The following RERE variants were observed in gnomAD, a reference collection of about 807,000 sequenced individuals.
The protein encoded by RERE is arginine-glutamic acid dipeptide repeats protein.
Under a neutral mutation model 146.1 loss-of-function variants are expected in RERE, and 40 were observed. That is an observed-to-expected ratio of 0.27 (90% CI 0.21 to 0.36). The LOEUF (loss-of-function observed/expected upper bound fraction) is 0.36, where lower values mean the gene tolerates loss of function less well. RERE is among the 10% of genes least tolerant of loss of function. The pLI is 1.00. For synonymous variants in RERE, 1,003 were observed against 866.0 expected, an observed-to-expected ratio of 1.16 and a Z score of -2.78; for missense variants, 1,933 against 2,138.7, an observed-to-expected ratio of 0.90 and a Z score of 1.90.
chr1:8,359,299 C>T (rs1411525617), intron 19 of RERE, among the ~76,000 whole-genome samples: 1 of 152,194 alleles, frequency 6.6e-6, no homozygotes. Context: ...CCTTTCCTCC[C>T]CGCGACAGCA....
intron 4 of RERE, among the ~76,000 whole-genome samples, chr1:8,603,604 G>A (rs975447164): frequency 6.6e-6 from 1 of 152,118 alleles, no homozygotes; most frequent in African/African-American, 2.4e-5. Flanking sequence ...AGCTGCATTA[G>A]GGATATAAGC....
chr1:8,529,287 C>CTTTTTTT (rs34547801), intron 7 of RERE, among the ~76,000 whole-genome samples: 9,883 of 101,208 alleles, frequency 0.098, 650 homozygotes, highest in Non-Finnish European at 0.12. Flanking sequence ...GTTCTCCCTT[C>CTTTTTTT]TTTTTTTTTT....
intron 4 of RERE, among the ~76,000 whole-genome samples, chr1:8,606,758 G>A (rs1159733055): frequency 6.6e-6 from 1 of 152,090 alleles, no homozygotes; most frequent in East Asian, 1.9e-4. Context: ...GCTATTTACA[G>A]GCTGAAAATC....
chr1:8,525,866 A>T (rs767753464), intron 7 of RERE: 171 of 1,475,864 alleles, frequency 1.2e-4, no homozygotes, highest in Non-Finnish European at 1.5e-4. Context: ...CTACACTAAC[A>T]ACTCAAAATG....
At chr1:8,703,680 A>AT (rs1553137138) in intron 1 of RERE, among the ~76,000 whole-genome samples, 1 of 152,192 alleles carries the variant, frequency 6.6e-6, no homozygotes, top group Non-Finnish European at 1.5e-5. Context: ...TGCAAGCAAG[A>AT]TATTAAAGAG....
chr1:8,411,046 T>A (rs1259312959), intron 12 of RERE, among the ~76,000 whole-genome samples: 1 of 152,170 alleles, frequency 6.6e-6, no homozygotes, highest in East Asian at 1.9e-4. Context: ...ACATGCCTGG[T>A]AAGGTATGTA....
At chr1:8,777,796 A>G (rs2124556367) in intron 1 of RERE, among the ~76,000 whole-genome samples, 1 of 151,910 alleles carries the variant, frequency 6.6e-6, no homozygotes, top group East Asian at 1.9e-4. Context: ...CGGCCTCCCA[A>G]AGTGCTGGGA....
chr1:8,357,392 C>T (rs1026424927), intron 20 of RERE, among the ~76,000 whole-genome samples: 3 of 152,292 alleles, frequency 2.0e-5, no homozygotes, highest in South Asian at 4.1e-4. Flanking sequence ...GCAGGGGAGG[C>T]GCCTGGTGCC....
intron 11 of RERE, among the ~76,000 whole-genome samples, chr1:8,455,846 G>A (rs1570268712): frequency 6.6e-6 from 1 of 152,148 alleles, no homozygotes; most frequent in Non-Finnish European, 1.5e-5. Context: ...GGTGCAGCAG[G>A]GCCTGCAAAA....
At chr1:8,757,512 C>T (rs1205763244) in intron 1 of RERE, among the ~76,000 whole-genome samples, 2 of 152,144 alleles carry the variant, frequency 1.3e-5, no homozygotes, top group Non-Finnish European at 2.9e-5. Flanking sequence ...ATAAACTTAT[C>T]AGAGGAACAA....
At chr1:8,620,753 G>A (rs562325106) in intron 3 of RERE, among the ~76,000 whole-genome samples, 18 of 151,664 alleles carry the variant, frequency 1.2e-4, no homozygotes, top group African/African-American at 3.6e-4. Context: ...TTCTAAGTAC[G>A]TGCTGTCCCT....
At position 8,770,526 on chromosome 1, in the gene RERE, C is replaced by T. The variant is rs796492892; in HGVS notation, c.-145+46634G>A. Among the ~76,000 whole-genome samples the T allele has an allele frequency of 5.9e-5, 9 of 152,282 alleles. 1 individual carries two copies. The highest frequency in any genetic ancestry group is 1.9e-4 in the African/African-American group (8 of 41,556). The stretch of plus-strand genomic sequence containing the variant: ...CCTCAGTCTACTTATAGCCCTACTA[C>T]GTACTAGCTCTGTCCTCAGTTTCCT... On this transcript the variant is annotated intron_variant, in intron 1 of 22. Transcript: ENST00000400908.
intron 7 of RERE, among the ~76,000 whole-genome samples, chr1:8,513,515 C>A (rs981212615): frequency 6.6e-6 from 1 of 152,108 alleles, no homozygotes; most frequent in Non-Finnish European, 1.5e-5. Flanking sequence ...ACACCAAAAA[C>A]TCAACAAGTT....
At chr1:8,750,635 C>T (rs905503024) in intron 1 of RERE, 9 of 954,556 alleles carry the variant, frequency 9.4e-6, no homozygotes, top group East Asian at 2.4e-5. Context: ...AACTGAAATT[C>T]GAATGGCAAG....
chr1:8,554,065 T>C (rs138989378), intron 6 of RERE, among the ~76,000 whole-genome samples: 11 of 152,140 alleles, frequency 7.2e-5, no homozygotes, highest in Non-Finnish European at 1.5e-4. Context: ...TAGTCCCAGC[T>C]ACTCGGGAGA....
At chr1:8,553,310 A>G (rs1391415785) in intron 6 of RERE, among the ~76,000 whole-genome samples, 1 of 150,608 alleles carries the variant, frequency 6.6e-6, no homozygotes, top group African/African-American at 2.4e-5. Flanking sequence ...CTAGGCCGGC[A>G]CGTCCACACA....
chr1:8,533,439 T>G (rs975732756), intron 7 of RERE, among the ~76,000 whole-genome samples: 4 of 152,222 alleles, frequency 2.6e-5, no homozygotes, highest in Non-Finnish European at 5.9e-5. Flanking sequence ...TTTCTGACGG[T>G]GAGCTTGGCA....
rs58718828 is a variant in RERE at position 8,668,924 on chromosome 1, C to CTGTGTGTGTGTGTGTGTG, written c.-144-12501_-144-12484dup. Among the ~76,000 whole-genome samples, 288 of 83,340 alleles carry CTGTGTGTGTGTGTGTGTG rather than the reference C, an allele frequency of 3.5e-3. 18 individuals carry two copies. The highest frequency in any genetic ancestry group is 0.01 in the Middle Eastern group (2 of 192). The allele number at this position is 83,340 out of a possible 152,430, so 54.7% of individuals were successfully genotyped here. On this transcript the variant is annotated intron_variant, in intron 1 of 22. Coordinates refer to ENST00000400908, the MANE Select transcript of RERE (RefSeq NM_001042681.2). ...TGAATATTCTAAAATGCACTAAACTCTGTGTGTGTGTGTGTGTGTGTGTGT... is the reference window on the plus strand; with the variant it reads ...TGAATATTCTAAAATGCACTAAACTCTGTGTGTGTGTGTGTGTGTGTGTGTGTGTGTGTGTGTGTGTGT...
intron 1 of RERE, among the ~76,000 whole-genome samples, chr1:8,706,439 G>T (rs1339360302): frequency 6.6e-6 from 1 of 152,194 alleles, no homozygotes; most frequent in African/African-American, 2.4e-5. Flanking sequence ...AGTTAATGAA[G>T]TATAGAAGCC....
Sources: gnomAD v4.1 joint callset for allele counts (sites outside exome capture counted in the v4.1 genomes callset) on GRCh38, gnomAD v4.1.1 for gene constraint, MANE v1.5 for transcripts, NCBI Gene and HGNC (gene_info 2026-07-23, HGNC 2026-07-21) for gene names.